LRTM2: variants seen among roughly 807,000 people sequenced by gnomAD.
The protein encoded by LRTM2 is leucine rich repeat transmembrane protein 2.
A neutral mutation model predicts 28.1 loss-of-function variants in LRTM2; 18 were observed. That is an observed-to-expected ratio of 0.64 (90% confidence interval 0.44 to 0.95). The LOEUF (loss-of-function observed/expected upper bound fraction) is 0.95, where lower values mean the gene tolerates loss of function less well. Ranked by LOEUF, LRTM2 falls within the 40% of genes least tolerant of loss-of-function variation. The pLI is 0.00. For missense variants in LRTM2, 436 were observed against 497.2 expected (o/e 0.88, Z 1.17); for synonymous variants, 250 against 218.7 (o/e 1.14, Z -1.26).
In LRTM2 at chr12:1,834,465, A is replaced by G; in HGVS notation, c.857A>G (p.Glu286Gly). The change falls in exon 5 of 5, where the codon GAG becomes GGG. Residue 286 changes from glutamate (E) to glycine (G), a missense_variant. Coordinates refer to ENST00000299194, the MANE Select transcript of LRTM2 (RefSeq NM_001039029.3). This position sits in a 1 kb window ranked among gnomAD's most constrained non-coding sequence, Gnocchi z 7.6. ...AAGCCCAAGCCCGGGGCTGAGCCGG[A>G]GCCGGAGCCCAGCACAGCCTGCCCA... ...PAKPKPGAEP[E>G]PEPSTACPQK... 6.2e-7 allele frequency: 1 copy of G among 1,610,952 alleles called. No individual in the cohort carries two copies. Among genetic ancestry groups the G allele is most frequent in the Non-Finnish European group, 8.5e-7 (1 of 1,179,820 alleles).
chr12:1,821,522 C>T (rs925017433), intron 1 of LRTM2, among the ~76,000 whole-genome samples: 1 of 152,190 alleles, frequency 6.6e-6, no homozygotes, highest in African/African-American at 2.4e-5. Context: ...AGAACCAGGC[C>T]CGCGAGAACC....
chr12:1,834,326 C>G lies in LRTM2; in HGVS notation c.718C>G (p.Arg240Gly). The change falls in exon 5 of 5, where the codon CGG becomes GGG. Residue 240 changes from arginine (R) to glycine (G), a missense_variant. By Grantham distance (125) the Arg-to-Gly change is moderately radical (BLOSUM62 -2). Coordinates refer to ENST00000299194, the MANE Select transcript of LRTM2 (RefSeq NM_001039029.3). This position sits in a 1 kb window ranked among gnomAD's most constrained non-coding sequence, Gnocchi z 7.6. ...LPKELRGKDM[R>G]MVPMEMFNYC... ...CAAGGAGCTGAGGGGGAAGGACATG[C>G]GGATGGTCCCCATGGAGATGTTCAA... 1 of 1,610,794 alleles carries G rather than the reference C, an allele frequency of 6.2e-7. No homozygotes were observed. Among genetic ancestry groups the G allele is most frequent in the Non-Finnish European group, 8.5e-7 (1 of 1,178,600 alleles).
In LRTM2 at chr12:1,834,132, T is replaced by C; in HGVS notation, c.659-135T>C. The C allele has an allele frequency of 2.0e-6, 2 of 1,007,686 alleles. No homozygotes were observed. Among genetic ancestry groups the C allele is most frequent in the Non-Finnish European group, 2.8e-6 (2 of 717,184 alleles). The allele number at this position is 1,007,686 out of a possible 1,614,324, so 62.4% of individuals were successfully genotyped here. On this transcript the variant is annotated intron_variant, in intron 4 of 4. Coordinates refer to ENST00000299194, the MANE Select transcript of LRTM2 (RefSeq NM_001039029.3). The surrounding 1 kb of genome is among the most constrained non-coding windows in gnomAD (Gnocchi z 7.6). ...CCTCCTCCGCTTCCTCTTCTATAGA[T>C]GGTGATTCCAGGATTGACTACATTG...
chr12:1,833,266 G>A lies in LRTM2; in HGVS notation c.659-1001G>A, dbSNP rs1033230177. Among the ~76,000 whole-genome samples, 5 of 152,184 alleles carry A rather than the reference G, an allele frequency of 3.3e-5. No homozygotes were observed. Among genetic ancestry groups the A allele is most frequent in the Admixed American group, 1.3e-4 (2 of 15,286 alleles). Reference sequence around the variant, plus strand: ...GGCTGCAGAGGGAGCTGCCAGTGACGGAGTGGCTGCAGCCCGCATCTTTTC... The same window carrying A: ...GGCTGCAGAGGGAGCTGCCAGTGACAGAGTGGCTGCAGCCCGCATCTTTTC... On this transcript the variant is annotated intron_variant, in intron 4 of 4. Transcript: ENST00000299194. This position sits in a 1 kb window ranked among gnomAD's most constrained non-coding sequence, Gnocchi z 4.2.
chr12:1,827,936 C>G (rs1236970609), intron 2 of LRTM2, 140 bp from the exon 3 acceptor site: 1 of 416,120 alleles, frequency 2.4e-6, no homozygotes, highest in Non-Finnish European at 4.2e-6. Flanking sequence ...TCCTCTTCTT[C>G]CCCCACCCAG....
intron 1 of LRTM2, among the ~76,000 whole-genome samples, chr12:1,824,879 T>G (rs1248023479): frequency 2.0e-5 from 3 of 152,176 alleles, no homozygotes; most frequent in Non-Finnish European, 4.4e-5. Context: ...CACATATGAC[T>G]GGTGTTCCCT....
rs895274923 is a variant in LRTM2 at position 1,829,660 on chromosome 12, C to T, written c.68-1275C>T. On this transcript the variant is annotated intron_variant, in intron 3 of 4. Transcript: ENST00000299194. The surrounding 1 kb of genome is among the most constrained non-coding windows in gnomAD (Gnocchi z 4.2). ...ACCCAGACCCCTACTGGACAAGACT[C>T]AAGGCTGTTCAGACCCAGCTCACAG... Among the ~76,000 whole-genome samples the T allele has an allele frequency of 6.6e-6, 1 of 150,984 alleles. No individual in the cohort carries two copies. The highest frequency in any genetic ancestry group is 2.4e-5 in the African/African-American group (1 of 41,208).
chr12:1,832,341 G>T (rs1362015034), intron 4 of LRTM2, among the ~76,000 whole-genome samples: 1 of 152,202 alleles, frequency 6.6e-6, no homozygotes. Flanking sequence ...GTCATTATGA[G>T]AATTAAATGT....
intron 4 of LRTM2, among the ~76,000 whole-genome samples, chr12:1,832,033 G>C (rs1294939845): frequency 1.3e-5 from 2 of 152,172 alleles, no homozygotes; most frequent in Non-Finnish European, 2.9e-5. Flanking sequence ...TGGTGACAGT[G>C]CCAACTTCCT....
rs141158344 is a variant in LRTM2 at position 1,830,279 on chromosome 12, C to T, written c.68-656C>T. Among the ~76,000 whole-genome samples the T allele has an allele frequency of 1.4e-4, 21 of 152,336 alleles. 1 individual carries two copies. In the East Asian group the frequency reaches 4.0e-3, roughly 29 times the overall value. On this transcript the variant is annotated intron_variant, in intron 3 of 4. Transcript: ENST00000299194. ...GGACCCTAGGTGCACAGCCTGGGCT[C>T]TAAATCCTCATGCCAAACTGCTGGC...
In LRTM2 at chr12:1,833,497, C is replaced by G. The variant is rs902862567; in HGVS notation, c.659-770C>G. Among the ~76,000 whole-genome samples, 1 of 152,174 alleles carries G rather than the reference C, an allele frequency of 6.6e-6. No individual in the cohort carries two copies. The highest frequency in any genetic ancestry group is 2.4e-5 in the African/African-American group (1 of 41,430). On this transcript the variant is annotated intron_variant, in intron 4 of 4. Transcript: ENST00000299194. This position sits in a 1 kb window ranked among gnomAD's most constrained non-coding sequence, Gnocchi z 4.2. ...GAAGACATCCTGGCGAGCCCGTGCG[C>G]CCAGGTACCCACACCTCCTCATCAA...
chr12:1,824,958 G>A (rs922391268), intron 1 of LRTM2, among the ~76,000 whole-genome samples: 2 of 152,226 alleles, frequency 1.3e-5, no homozygotes, highest in African/African-American at 4.8e-5. Flanking sequence ...AGGGACCCAG[G>A]GAGGCAGGAT....
At position 1,836,725 on chromosome 12, in the gene LRTM2, G is replaced by A. The variant is rs1050819176; in HGVS notation, c.*2004G>A. On this transcript the variant is annotated 3_prime_UTR_variant, in exon 5 of 5. Transcript: ENST00000299194. ...ATATTTCTGGTTTGTTGTTTCAGAAGACCAATAAAGACTGTATTTTCCTAT... is the reference window on the plus strand; with the variant it reads ...ATATTTCTGGTTTGTTGTTTCAGAAAACCAATAAAGACTGTATTTTCCTAT... 1.3e-4 allele frequency: 20 copies of A among 152,664 alleles called. No individual in the cohort carries two copies. The highest frequency in any genetic ancestry group is 1.2e-3 in the Admixed American group (19 of 15,286). The allele number at this position is 152,664 out of a possible 1,614,324, so 9.5% of individuals were successfully genotyped here. A position where few individuals can be genotyped will look rare whatever the true frequency, so the allele number is the denominator to read the frequency against.
rs567730213 is a variant in LRTM2, at chr12:1,832,013, A to G, written c.658+488A>G. On this transcript the variant is annotated intron_variant, in intron 4 of 4. Coordinates refer to ENST00000299194, the MANE Select transcript of LRTM2 (RefSeq NM_001039029.3). Reference sequence around the variant, plus strand: ...TAGAATGAATCCTCAGTAAAACCAAATCTTCCTTTTGGTGACAGTGCCAAC... The same window carrying G: ...TAGAATGAATCCTCAGTAAAACCAAGTCTTCCTTTTGGTGACAGTGCCAAC... Among the ~76,000 whole-genome samples the G allele has an allele frequency of 2.6e-5, 4 of 152,178 alleles. No homozygotes were observed. In the East Asian group the frequency reaches 5.8e-4, roughly 22 times the overall value.
intron 1 of LRTM2, among the ~76,000 whole-genome samples, chr12:1,823,928 C>T (rs995466059): frequency 6.6e-6 from 1 of 152,206 alleles, no homozygotes; most frequent in African/African-American, 2.4e-5. Flanking sequence ...AGCAGACAGA[C>T]AACTGAGTTA....
intron 1 of LRTM2, among the ~76,000 whole-genome samples, chr12:1,821,695 G>A (rs1187142528): frequency 1.3e-5 from 2 of 152,110 alleles, no homozygotes; most frequent in Non-Finnish European, 2.9e-5. Flanking sequence ...TGAGTAGAGC[G>A]GGACAGTTGC....
In LRTM2 at chr12:1,834,061, G is replaced by T. The variant is rs144921500; in HGVS notation, c.659-206G>T. Among the ~76,000 whole-genome samples, 4 of 152,316 alleles carry T rather than the reference G, an allele frequency of 2.6e-5. No homozygotes were observed. The East Asian group carries it at 7.7e-4, about 29-fold the overall frequency. On this transcript the variant is annotated intron_variant, in intron 4 of 4. Transcript: ENST00000299194. This position sits in a 1 kb window ranked among gnomAD's most constrained non-coding sequence, Gnocchi z 7.6. Reference sequence around the variant, plus strand: ...GGCTTCTGCGAGGATGAAATGGCACGATATACGTAACTCACTGTGGACTTG... The same window carrying T: ...GGCTTCTGCGAGGATGAAATGGCACTATATACGTAACTCACTGTGGACTTG...
At position 1,833,903 on chromosome 12, in the gene LRTM2, C is replaced by G. The variant is rs978074158; in HGVS notation, c.659-364C>G. On this transcript the variant is annotated intron_variant, in intron 4 of 4. Coordinates refer to ENST00000299194, the MANE Select transcript of LRTM2 (RefSeq NM_001039029.3). This position sits in a 1 kb window ranked among gnomAD's most constrained non-coding sequence, Gnocchi z 4.2. Reference sequence around the variant, plus strand: ...GACGCTCAGCTCTCTAATGACAGCCCTTTCCTGGGAACCTCCCCATGTTAG... The same window carrying G: ...GACGCTCAGCTCTCTAATGACAGCCGTTTCCTGGGAACCTCCCCATGTTAG... Among the ~76,000 whole-genome samples, 1 of 152,186 alleles carries G rather than the reference C, an allele frequency of 6.6e-6. No homozygotes were observed. The highest frequency in any genetic ancestry group is 2.4e-5 in the African/African-American group (1 of 41,444).
chr12:1,828,064 T>C lies in LRTM2; in HGVS notation c.-73-12T>C, dbSNP rs1217029412. On this transcript the variant is annotated splice_polypyrimidine_tract_variant and intron_variant, in intron 2 of 4. Coordinates refer to ENST00000299194, the MANE Select transcript of LRTM2 (RefSeq NM_001039029.3). The surrounding 1 kb of genome is among the most constrained non-coding windows in gnomAD (Gnocchi z 4.2). ...CGCGCCTGCCTGTGCTCAGTGCTCCTCCCTCCCTCAGGACTGACAGGCGGC... is the reference window on the plus strand; with the variant it reads ...CGCGCCTGCCTGTGCTCAGTGCTCCCCCCTCCCTCAGGACTGACAGGCGGC... 1.5e-6 allele frequency: 2 copies of C among 1,319,266 alleles called. No homozygotes were observed. Among genetic ancestry groups the C allele is most frequent in the Admixed American group, 2.9e-5 (1 of 34,648 alleles). The allele number at this position is 1,319,266 out of a possible 1,614,324, so 81.7% of individuals were successfully genotyped here. A position where few individuals can be genotyped will look rare whatever the true frequency, so the allele number is the denominator to read the frequency against.
Sources: gnomAD v4.1 joint callset for allele counts (sites outside exome capture counted in the v4.1 genomes callset) on GRCh38, gnomAD v4.1.1 for gene constraint, Gnocchi (gnomAD v3.1) non-coding constraint, MANE v1.5 for transcripts, NCBI Gene and HGNC (gene_info 2026-07-23, HGNC 2026-07-21) for gene names.